COL4A5: variants seen among roughly 807,000 people sequenced by gnomAD.
COL4A5 encodes the protein collagen alpha-5(IV) chain.
In COL4A5, 26 loss-of-function variants were observed where a neutral mutation model predicts 130.2. That is an observed-to-expected ratio of 0.20 (90% CI 0.15 to 0.28). COL4A5 has a LOEUF of 0.28. Among genes scored for constraint, COL4A5 ranks in the 10% least tolerant of loss-of-function variants. The probability of loss-of-function intolerance (pLI) is 1.00; values close to 1 mark genes in which losing one functional copy is unlikely to be tolerated. For missense variants in COL4A5, 1,131 were observed against 1,344.3 expected (o/e 0.84, Z 2.48); for synonymous variants, 496 against 439.6 (o/e 1.13, Z -1.60).
intron 4 of COL4A5, among the ~76,000 whole-genome samples, chrX:108,567,663 C>T (rs893067872): frequency 9.0e-6 from 1 of 111,688 alleles, no homozygotes; most frequent in African/African-American, 3.3e-5. Flanking sequence ...CCGGAGGCCT[C>T]ACAATCATGG....
At chrX:108,518,474 A>T (rs1312288920) in intron 1 of COL4A5, among the ~76,000 whole-genome samples, 1 of 110,792 alleles carries the variant, frequency 9.0e-6, no homozygotes, top group African/African-American at 3.3e-5. Flanking sequence ...ATGTCTTTGA[A>T]TCTTTGGGCT....
intron 2 of COL4A5, among the ~76,000 whole-genome samples, chrX:108,552,398 G>T (rs2065765829): frequency 9.0e-6 from 1 of 111,269 alleles, no homozygotes; most frequent in Non-Finnish European, 1.9e-5. Context: ...CCCATTAAAA[G>T]ACATCTGCTT....
chrX:108,651,150 A>G (rs998678291), intron 36 of COL4A5, among the ~76,000 whole-genome samples: 1 of 111,412 alleles, frequency 9.0e-6, no homozygotes, highest in African/African-American at 3.3e-5. Context: ...AAGAGAAGGC[A>G]GATTAGGTTT....
At chrX:108,547,118 C>T (rs2065671060) in intron 2 of COL4A5, among the ~76,000 whole-genome samples, 1 of 112,444 alleles carries the variant, frequency 8.9e-6, no homozygotes, top group Admixed American at 9.4e-5. Context: ...TCTTCAAAGT[C>T]ATTCTCCTTC....
intron 19 of COL4A5, among the ~76,000 whole-genome samples, chrX:108,587,411 T>C (rs2066354889): frequency 9.0e-6 from 1 of 111,607 alleles, no homozygotes; most frequent in Non-Finnish European, 1.9e-5. Flanking sequence ...CTTAACGTAA[T>C]GTCCTTCAGG....
chrX:108,686,063 A>G lies in COL4A5; in HGVS notation c.4249A>G (p.Asn1417Asp). The change falls in exon 48 of 53, where the codon AAT becomes GAT. Residue 1417 changes from asparagine (N) to aspartate (D), a missense_variant. By Grantham distance (23) the Asn-to-Asp change is conservative. Coordinates refer to ENST00000328300, the MANE Select transcript of COL4A5 (RefSeq NM_033380.3). ...TGGCCCTCCAGGAGATCCTGGACGC[A>G]ATGGACTCCCTGGCTTTGATGGTGC... ...PTGPPGDPGRNGLPGFDGAGG... is the reference protein window; with the variant it reads ...PTGPPGDPGRDGLPGFDGAGG... The G allele has an allele frequency of 8.3e-7, 1 of 1,211,298 alleles. No homozygotes were observed. The highest frequency in any genetic ancestry group is 1.1e-6 in the Non-Finnish European group (1 of 895,294).
intron 42 of COL4A5, chrX:108,674,422 A>T (rs1046952375): frequency 1.0e-4 from 20 of 195,040 alleles, no homozygotes; most frequent in African/African-American, 5.9e-4. Flanking sequence ...TAATGTTTTG[A>T]GAAGCTAATT....
intron 42 of COL4A5, among the ~76,000 whole-genome samples, chrX:108,671,208 C>A (rs1056944354): frequency 2.7e-5 from 3 of 111,534 alleles, no homozygotes; most frequent in African/African-American, 9.8e-5. Flanking sequence ...TAAAAAAAGC[C>A]ACAAATATTT....
chrX:108,642,319 CA>C (rs2067484681), intron 36 of COL4A5, among the ~76,000 whole-genome samples: 1 of 110,788 alleles, frequency 9.0e-6, no homozygotes, highest in Non-Finnish European at 1.9e-5. Flanking sequence ...TAGCTGAAAA[CA>C]AAGGGCATAT....
chrX:108,455,294 A>G (rs776665509), intron 1 of COL4A5, among the ~76,000 whole-genome samples: 9 of 112,323 alleles, frequency 8.0e-5, no homozygotes, highest in Non-Finnish European at 1.7e-4. Flanking sequence ...ATTGCACAGT[A>G]GAATTCCATT....
rs778879860 is a variant in COL4A5 at position 108,468,776 on chromosome X, GT to G, written c.81+28580del. ...TGTGGTTTGCTAGCATCTGTTGAGGGTTTTTTTTTTGCCTCTATTTTTACAG... is the reference window on the plus strand; with the variant it reads ...TGTGGTTTGCTAGCATCTGTTGAGGGTTTTTTTTTGCCTCTATTTTTACAG... On this transcript the variant is annotated intron_variant, in intron 1 of 52. Coordinates refer to ENST00000328300, the MANE Select transcript of COL4A5 (RefSeq NM_033380.3). Among the ~76,000 whole-genome samples, 192 of 100,946 alleles carry G rather than the reference GT, an allele frequency of 1.9e-3. 4 individuals are homozygous for G. The East Asian group carries it at 0.031, about 16-fold the overall frequency. 87.7% of individuals were successfully genotyped at this position (100,946 alleles called of 115,157 possible). A position where few individuals can be genotyped will look rare whatever the true frequency, so the allele number is the denominator to read the frequency against.
At chrX:108,680,480 G>A (rs750548020) in intron 44 of COL4A5, among the ~76,000 whole-genome samples, 199 bp from the exon 45 acceptor site, 35 of 111,055 alleles carry the variant, frequency 3.2e-4, no homozygotes, top group African/African-American at 1.1e-3. Context: ...CCAAATTTGA[G>A]GTGAGAAAAC....
chrX:108,449,321 A>G (rs993884709), intron 1 of COL4A5, among the ~76,000 whole-genome samples: 1 of 112,181 alleles, frequency 8.9e-6, no homozygotes, highest in Non-Finnish European at 1.9e-5. Context: ...GATACAAAAG[A>G]TTTGTAAGAA....
intron 1 of COL4A5, among the ~76,000 whole-genome samples, chrX:108,509,305 G>A (rs181431470): frequency 1.9e-4 from 21 of 111,445 alleles, no homozygotes; most frequent in Admixed American, 1.7e-3. Context: ...AGAGGGAGAG[G>A]ATCAGGAAAA....
At chrX:108,469,402 T>C (rs1182755184) in intron 1 of COL4A5, among the ~76,000 whole-genome samples, 3 of 110,099 alleles carry the variant, frequency 2.7e-5, no homozygotes, top group African/African-American at 9.9e-5. Flanking sequence ...GCCTCGGTCT[T>C]CCAAAGTGCT....
intron 1 of COL4A5, among the ~76,000 whole-genome samples, chrX:108,492,477 G>A (rs923464068): frequency 4.5e-5 from 5 of 111,938 alleles, no homozygotes; most frequent in African/African-American, 1.3e-4. Context: ...TATTCAAAAT[G>A]TCCTATCTTC....
At chrX:108,689,522 T>G (rs1257372514) in intron 49 of COL4A5, 2 of 752,648 alleles carry the variant, frequency 2.7e-6, no homozygotes, top group Non-Finnish European at 3.1e-6. Flanking sequence ...TGGCCCTGAC[T>G]CTGGTACAGT....
At chrX:108,492,892 T>C (rs2065005023) in intron 1 of COL4A5, among the ~76,000 whole-genome samples, 1 of 111,172 alleles carries the variant, frequency 9.0e-6, no homozygotes, top group South Asian at 3.8e-4. Context: ...TGACTTTAGA[T>C]AAAATGGTAT....
chrX:108,622,811 A>T lies in COL4A5; in HGVS notation c.2903A>T (p.Glu968Val). The change falls in exon 33 of 53, where the codon GAA becomes GTA. Residue 968 changes from glutamate (E) to valine (V), a missense_variant. Glu to Val is a moderately radical substitution (Grantham distance 121, BLOSUM62 -2). Coordinates refer to ENST00000328300, the MANE Select transcript of COL4A5 (RefSeq NM_033380.3). ...NLLGSKGEKGEPGLPGIPGVS... is the reference protein window; with the variant it reads ...NLLGSKGEKGVPGLPGIPGVS... ...CTGGGCTCAAAAGGAGAGAAGGGGG[A>T]ACCTGGCTTACCAGGTGAGTGAATG... is the stretch of plus-strand genomic sequence containing the variant. 1 of 1,209,505 alleles carries T rather than the reference A, an allele frequency of 8.3e-7. No homozygotes were observed. The highest frequency in any genetic ancestry group is 1.1e-6 in the Non-Finnish European group (1 of 894,544).
Sources: gnomAD v4.1 joint callset for allele counts (sites outside exome capture counted in the v4.1 genomes callset) on GRCh38, gnomAD v4.1.1 for gene constraint, MANE v1.5 for transcripts, NCBI Gene and HGNC (gene_info 2026-07-23, HGNC 2026-07-21) for gene names.